Variants in ADAMTSL3 observed in about 807,000 individuals in gnomAD.
ADAMTSL3 encodes ADAMTS like 3.
In ADAMTSL3, 128 loss-of-function variants were observed where a neutral mutation model predicts 201.7. The ratio of observed to expected loss-of-function variants is 0.63; its 90% CI spans 0.55 to 0.73. The LOEUF (loss-of-function observed/expected upper bound fraction) is 0.73, where lower values mean the gene tolerates loss of function less well. ADAMTSL3 is among the 30% of genes least tolerant of loss of function. ADAMTSL3 has a pLI of 0.00. For missense variants in ADAMTSL3, 1,990 were observed against 2,119.6 expected, an observed-to-expected ratio of 0.94 and a Z score of 1.20; for synonymous variants, 738 against 748.4, an observed-to-expected ratio of 0.99 and a Z score of 0.23.
chr15:83,883,102 A>G lies in ADAMTSL3; in HGVS notation c.961-1999A>G, dbSNP rs1210982149. 1.1e-4 allele frequency among the ~76,000 whole-genome samples: 16 copies of G among 151,896 alleles called. No individual in the cohort carries two copies. In the South Asian group the frequency reaches 2.5e-3, roughly 24 times the overall value. On this transcript the variant is annotated intron_variant, in intron 9 of 29. Coordinates refer to ENST00000286744, the MANE Select transcript of ADAMTSL3 (RefSeq NM_207517.3). ...TGATAAGCTGTTTCTTCCACTAAAT[A>G]TAGCATTTCTCATATGAAATATCTT...
intron 6 of ADAMTSL3, among the ~76,000 whole-genome samples, chr15:83,829,154 C>A (rs1031142891): frequency 5.9e-5 from 9 of 152,150 alleles, no homozygotes; most frequent in African/African-American, 9.7e-5. Context: ...TCCATCTGGT[C>A]CTGGACTTTT....
chr15:83,822,211 G>A (rs1376865254), intron 6 of ADAMTSL3, among the ~76,000 whole-genome samples: 9 of 146,248 alleles, frequency 6.2e-5, no homozygotes, highest in Non-Finnish European at 1.2e-4. Flanking sequence ...GGTGGCTGCC[G>A]GGCGGAGACG....
chr15:83,851,024 C>T (rs544390426), intron 7 of ADAMTSL3, among the ~76,000 whole-genome samples: 9 of 152,302 alleles, frequency 5.9e-5, no homozygotes, highest in African/African-American at 1.7e-4. Context: ...GCTGGTCGGG[C>T]ACATTCTTGG....
At chr15:83,673,829 A>T (rs999057721) in intron 2 of ADAMTSL3, among the ~76,000 whole-genome samples, 1 of 152,220 alleles carries the variant, frequency 6.6e-6, no homozygotes, top group African/African-American at 2.4e-5. Context: ...TCTTAAGAGA[A>T]ACTAATATGA....
chr15:83,788,857 T>G (rs2063302800), intron 4 of ADAMTSL3, among the ~76,000 whole-genome samples: 1 of 152,220 alleles, frequency 6.6e-6, no homozygotes, highest in Admixed American at 6.5e-5. Context: ...TCACCCACGC[T>G]GGAGTGCAGT....
chr15:83,714,865 C>CTTT (rs2061989088), intron 3 of ADAMTSL3, among the ~76,000 whole-genome samples: 2 of 19,068 alleles, frequency 1.0e-4, no homozygotes, highest in Admixed American at 8.3e-4. Context: ...TCCCTCCCTC[C>CTTT]CTCCCTCCCT....
intron 17 of ADAMTSL3, among the ~76,000 whole-genome samples, chr15:83,929,059 C>G (rs1416418695): frequency 1.3e-5 from 2 of 152,234 alleles, no homozygotes; most frequent in Non-Finnish European, 1.5e-5. Flanking sequence ...GTTTCCTGCT[C>G]TGATCCATGT....
At chr15:83,911,466 G>A (rs193008672) in intron 15 of ADAMTSL3, among the ~76,000 whole-genome samples, 16 of 152,156 alleles carry the variant, frequency 1.1e-4, no homozygotes, top group African/African-American at 2.4e-4. Context: ...GGGATTTCTC[G>A]TCTTTAACCA....
chr15:83,861,802 T>C (rs2064868685), intron 8 of ADAMTSL3: 1 of 152,180 alleles, frequency 6.6e-6, no homozygotes. Context: ...AGAAGAAGGC[T>C]TCAGACAATC....
At chr15:83,863,855 T>C (rs2064919031) in intron 8 of ADAMTSL3, among the ~76,000 whole-genome samples, 1 of 151,874 alleles carries the variant, frequency 6.6e-6, no homozygotes, top group Admixed American at 6.6e-5. Flanking sequence ...TCAACAAAAT[T>C]GATAGACTGC....
At chr15:83,906,924 T>C (rs2065846935) in intron 15 of ADAMTSL3, among the ~76,000 whole-genome samples, 1 of 151,958 alleles carries the variant, frequency 6.6e-6, no homozygotes, top group South Asian at 2.1e-4. Flanking sequence ...TTGTATTATC[T>C]GTAGGTTTTA....
chr15:83,882,974 TTCA>T (rs1311012222), intron 9 of ADAMTSL3, among the ~76,000 whole-genome samples: 10 of 152,024 alleles, frequency 6.6e-5, no homozygotes, highest in Admixed American at 4.6e-4. Flanking sequence ...ATATTGTCTC[TTCA>T]TCATTCTATT....
At chr15:84,001,507 G>A (rs1196233094) in intron 23 of ADAMTSL3, among the ~76,000 whole-genome samples, 6 of 152,210 alleles carry the variant, frequency 3.9e-5, no homozygotes, top group Non-Finnish European at 7.3e-5. Context: ...CCTAATGAGT[G>A]TGTATACCAA....
chr15:83,714,887 T>TC (rs1331389093), intron 3 of ADAMTSL3, among the ~76,000 whole-genome samples: 1,002 of 30,502 alleles, frequency 0.033, 31 homozygotes, highest in East Asian at 0.087. Flanking sequence ...CCTTCCTTCC[T>TC]TCCTTCCTTC....
intron 13 of ADAMTSL3, among the ~76,000 whole-genome samples, chr15:83,897,099 G>T (rs553906745): frequency 1.3e-5 from 2 of 152,102 alleles, no homozygotes; most frequent in Non-Finnish European, 1.5e-5. Context: ...TGAGATTTGG[G>T]TGGGGACACA....
At chr15:83,923,793 A>G (rs1436726808) in intron 16 of ADAMTSL3, 111 bp from the exon 17 acceptor site, 2 of 1,286,982 alleles carry the variant, frequency 1.6e-6, no homozygotes, top group South Asian at 1.4e-5. Context: ...CAGCCCTATG[A>G]TAGTCAAAAG....
intron 17 of ADAMTSL3, among the ~76,000 whole-genome samples, chr15:83,934,316 C>G (rs1368853495): frequency 6.6e-6 from 1 of 152,218 alleles, no homozygotes; most frequent in Non-Finnish European, 1.5e-5. Context: ...TACTGCCCAG[C>G]TAAATTTTCG....
At chr15:83,703,440 A>C (rs1049518729) in intron 2 of ADAMTSL3, among the ~76,000 whole-genome samples, 2 of 152,076 alleles carry the variant, frequency 1.3e-5, no homozygotes, top group Non-Finnish European at 2.9e-5. Context: ...TCTCATCTTG[A>C]ATTGTACTCC....
chr15:83,681,976 C>T (rs1199172915), intron 2 of ADAMTSL3, among the ~76,000 whole-genome samples: 1 of 152,124 alleles, frequency 6.6e-6, no homozygotes, highest in Non-Finnish European at 1.5e-5. Context: ...GCAAAAACAC[C>T]TTAAAATTTG....
Sources: allele counts gnomAD v4.1 joint callset (sites outside exome capture counted in the v4.1 genomes callset), GRCh38; gene constraint gnomAD v4.1.1; transcripts MANE v1.5; gene names NCBI Gene and HGNC (gene_info 2026-07-23, HGNC 2026-07-21).